The following EMILIN1 variants were observed in gnomAD, a reference collection of about 807,000 sequenced individuals.
The protein encoded by EMILIN1 is elastin microfibril interfacer 1, also known as EMILIN-1.
EMILIN1 carries 49 observed loss-of-function variants against 82.4 expected under a neutral mutation model. The ratio of observed to expected loss-of-function variants is 0.59; its 90% CI spans 0.47 to 0.75. The LOEUF is 0.75. EMILIN1 is among the 30% of genes least tolerant of loss of function. EMILIN1 has a pLI of 0.00. For missense variants in EMILIN1, 1,313 were observed against 1,366.4 expected (o/e 0.96, Z 0.62); for synonymous variants, 604 against 602.2 (o/e 1.00, Z -0.04).
In EMILIN1 at chr2:27,083,016, G is replaced by C. The variant is rs1669511551; in HGVS notation, c.1445G>C (p.Cys482Ser). Residue 482 changes from cysteine to serine, a missense_variant, in exon 4 of 8, where the codon TGC becomes TCC. Cys to Ser is a moderately radical substitution (Grantham distance 112). Coordinates refer to ENST00000380320, the MANE Select transcript of EMILIN1 (RefSeq NM_007046.4). ...AGAMQACGQL[C>S]SGAPGEQDSQ... The stretch of plus-strand genomic sequence containing the variant: ...GCCATGCAGGCATGCGGGCAGCTCT[G>C]CTCTGGGGCCCCTGGGGAGCAGGAC... 6.4e-7 allele frequency: 1 copy of C among 1,556,038 alleles called. No individual in the cohort carries two copies. Among genetic ancestry groups the C allele is most frequent in the African/African-American group, 1.4e-5 (1 of 73,672 alleles).
Position 27,083,699 on chromosome 2 carries a change from C to T in EMILIN1, c.2128C>T (p.Leu710=). The change falls in exon 4 of 8, where the codon CTA becomes TTA. Residue 710 remains leucine (L), a synonymous_variant. Coordinates refer to ENST00000380320, the MANE Select transcript of EMILIN1 (RefSeq NM_007046.4). ...ATESEERFRG[L]EEGQAQAGQC... ...AGAGAGTGAAGAGCGCTTCCGAGGC[C>T]TAGAGGAGGGACAAGCACAGGCCGG... The T allele has an allele frequency of 6.2e-7, 1 of 1,613,994 alleles. No individual in the cohort carries two copies. Among genetic ancestry groups the T allele is most frequent in the African/African-American group, 1.3e-5 (1 of 75,056 alleles).
At chr2:27,084,946 T>G in intron 5 of EMILIN1, 45 bp from the exon 6 acceptor site, 4 of 1,598,636 alleles carry the variant, frequency 2.5e-6, no homozygotes, top group Non-Finnish European at 3.4e-6. Flanking sequence ...AGTGACTTAG[T>G]GAGAGCTGCT....
Position 27,086,132 on chromosome 2 carries a change from G to A in EMILIN1, c.*117G>A. The A allele has an allele frequency of 2.6e-6, 2 of 771,414 alleles. No homozygotes were observed. Among genetic ancestry groups the A allele is most frequent in the Non-Finnish European group, 3.6e-6 (2 of 555,584 alleles). 47.8% of individuals were successfully genotyped at this position (771,414 alleles called of 1,614,324 possible). ...CTGGGCGAGCGCCGCACCCGGGCCC[G>A]CAGCGGCACCGCGCCCAGAGCGGCC... On this transcript the variant is annotated 3_prime_UTR_variant, in exon 8 of 8. Coordinates refer to ENST00000380320, the MANE Select transcript of EMILIN1 (RefSeq NM_007046.4).
intron 5 of EMILIN1, 36 bp from the exon 6 acceptor site, chr2:27,084,955 C>T (rs371811747): frequency 1.2e-5 from 19 of 1,607,498 alleles, no homozygotes; most frequent in Non-Finnish European, 1.5e-5. Flanking sequence ...GTGAGAGCTG[C>T]TTTATTTCTC....
chr2:27,082,053 C>T, intron 3 of EMILIN1, 30 bp from the exon 4 acceptor site: 4 of 1,561,738 alleles, frequency 2.6e-6, no homozygotes, highest in Non-Finnish European at 3.5e-6. Context: ...GGGTCCAGCC[C>T]CTCTGCCTTC....
chr2:27,080,106 G>A, intron 1 of EMILIN1, 45 bp from the exon 2 acceptor site: 1 of 1,609,634 alleles, frequency 6.2e-7, no homozygotes, highest in African/African-American at 1.3e-5. Context: ...CTCCTCCAGG[G>A]CATGTATCTT....
In EMILIN1 at chr2:27,083,281, G is replaced by A. The variant is rs749597209; in HGVS notation, c.1710G>A (p.Leu570=). 1 of 1,613,058 alleles carries A rather than the reference G, an allele frequency of 6.2e-7. No homozygotes were observed. Among genetic ancestry groups the A allele is most frequent in the East Asian group, 2.2e-5 (1 of 44,850 alleles). Residue 570 remains leucine, a synonymous_variant, in exon 4 of 8, where the codon CTG becomes CTA. Coordinates refer to ENST00000380320, the MANE Select transcript of EMILIN1 (RefSeq NM_007046.4). The part of the protein sequence containing the change: ...LNLTAARLGQ[L]EGLLQAHGDE... Reference sequence around the variant, plus strand: ...TCACTGCGGCCCGGCTAGGCCAACTGGAGGGGCTGCTGCAGGCCCATGGGG... The same window carrying A: ...TCACTGCGGCCCGGCTAGGCCAACTAGAGGGGCTGCTGCAGGCCCATGGGG...
At chr2:27,081,696 C>G (rs910901957) in intron 3 of EMILIN1, among the ~76,000 whole-genome samples, 1 of 152,150 alleles carries the variant, frequency 6.6e-6, no homozygotes, top group Non-Finnish European at 1.5e-5. Flanking sequence ...AAAGAGTTTC[C>G]AAGAAGTTAA....
chr2:27,080,460 C>T (rs1026403475), intron 2 of EMILIN1, among the ~76,000 whole-genome samples, 190 bp downstream of exon 2: 1 of 152,152 alleles, frequency 6.6e-6, no homozygotes, highest in Non-Finnish European at 1.5e-5. Context: ...CTGCCTCACG[C>T]GCCAGCCCCA....
In EMILIN1 at chr2:27,084,431, TG is replaced by T; in HGVS notation, c.2460del (p.Pro822GlnfsTer56). 1 of 1,609,200 alleles carries T rather than the reference TG, an allele frequency of 6.2e-7. No individual in the cohort carries two copies. The highest frequency in any genetic ancestry group is 8.5e-7 in the Non-Finnish European group (1 of 1,177,170). On this transcript the variant is annotated frameshift_variant, in exon 5 of 8. Coordinates refer to ENST00000380320, the MANE Select transcript of EMILIN1 (RefSeq NM_007046.4). LOFTEE classifies it high-confidence loss of function. ...KDLTGPAGEAGPPGPPGLQGP... is the reference protein window; with the variant it reads ...KDLTGPAGEAXPPGPPGLQGP... ...TCACTGTAGGGCCTGCAGGAGAGGC[TG>T]GGCCCCCAGGGCCTCCTGGGCTGCA...
rs778346430 is a variant in EMILIN1, at chr2:27,080,878, C to T, written c.437C>T (p.Pro146Leu). 1 of 1,609,834 alleles carries T rather than the reference C, an allele frequency of 6.2e-7. No homozygotes were observed. Among genetic ancestry groups the T allele is most frequent in the South Asian group, 1.1e-5 (1 of 90,510 alleles). The change falls in exon 3 of 8, where the codon CCC (proline) becomes CTC (leucine). Residue 146 changes from proline (P) to leucine (L), a missense_variant. Transcript: ENST00000380320. ...ALGPASSTPR[P>L]LARPARPNLS... Reference sequence around the variant, plus strand: ...GGGCCTGCGTCTTCCACACCACGGCCCCTGGCCCGGCCTGCCCGCCCCAAC... The same window carrying T: ...GGGCCTGCGTCTTCCACACCACGGCTCCTGGCCCGGCCTGCCCGCCCCAAC...
chr2:27,086,187 G>A lies in EMILIN1; in HGVS notation c.*172G>A. ...CCCACGCCCGGGGCGCGCCGGCTCAGGGAGGCTCGGGGCCGCCCATGCAGA... is the reference window on the plus strand; with the variant it reads ...CCCACGCCCGGGGCGCGCCGGCTCAAGGAGGCTCGGGGCCGCCCATGCAGA... On this transcript the variant is annotated 3_prime_UTR_variant, in exon 8 of 8. Coordinates refer to ENST00000380320, the MANE Select transcript of EMILIN1 (RefSeq NM_007046.4). The A allele has an allele frequency of 4.8e-6, 2 of 419,036 alleles. No individual in the cohort carries two copies. Among genetic ancestry groups the A allele is most frequent in the Non-Finnish European group, 8.1e-6 (2 of 246,768 alleles). 26.0% of individuals were successfully genotyped at this position (419,036 alleles called of 1,614,324 possible).
At chr2:27,085,402 G>A in intron 7 of EMILIN1, 105 bp downstream of exon 7, 1 of 1,391,668 alleles carries the variant, frequency 7.2e-7, no homozygotes, top group South Asian at 1.2e-5. Context: ...TTCATTCTCT[G>A]ATTTGGGGAG....
At chr2:27,085,551 C>T in intron 7 of EMILIN1, 127 bp from the exon 8 acceptor site, 1 of 987,936 alleles carries the variant, frequency 1.0e-6, no homozygotes, top group Non-Finnish European at 1.5e-6. Flanking sequence ...GTGAACAAAG[C>T]CCCCAGTTCC....
At chr2:27,085,437 C>G (rs1045120315) in intron 7 of EMILIN1, 140 bp downstream of exon 7, 1 of 1,103,830 alleles carries the variant, frequency 9.1e-7, no homozygotes, top group Admixed American at 2.3e-5. Flanking sequence ...TTCATTTATT[C>G]ATTCTCAGGC....
At position 27,082,852 on chromosome 2, in the gene EMILIN1, C is replaced by A. The variant is rs1268402794; in HGVS notation, c.1281C>A (p.Ser427Arg). The A allele has an allele frequency of 1.3e-6, 2 of 1,582,838 alleles. No homozygotes were observed. Among genetic ancestry groups the A allele is most frequent in the Admixed American group, 1.8e-5 (1 of 56,504 alleles). The change falls in exon 4 of 8, where the codon AGC becomes AGA. Residue 427 changes from serine (S) to arginine (R), a missense_variant. Coordinates refer to ENST00000380320, the MANE Select transcript of EMILIN1 (RefSeq NM_007046.4). ...GCCCTTCGGAGGAGCAGGAGGAGAG[C>A]TGGCCTGGGGCTCCTGGGGGGCTGA... ...TLGPSEEQEE[S>R]WPGAPGGLSH...
Position 27,083,109 on chromosome 2 carries a change from T to G in EMILIN1, c.1538T>G (p.Leu513Arg), listed in dbSNP as rs1024384968. ...CTGGACAGTGAGGGGCAGCTGCGGCTGGTGGGCTCCGGCCTGCACACGGTG... is the reference window on the plus strand; with the variant it reads ...CTGGACAGTGAGGGGCAGCTGCGGCGGGTGGGCTCCGGCCTGCACACGGTG... ...RVLDSEGQLRLVGSGLHTVEA... is the reference protein window; with the variant it reads ...RVLDSEGQLRRVGSGLHTVEA... Residue 513 changes from leucine to arginine, a missense_variant, in exon 4 of 8, where the codon CTG (leucine) becomes CGG (arginine). Physicochemically the swap from Leu to Arg is moderately radical, Grantham distance 102. Transcript: ENST00000380320. 2.6e-6 allele frequency: 4 copies of G among 1,565,178 alleles called. No individual in the cohort carries two copies. The Admixed American group carries it at 7.3e-5, about 29-fold the overall frequency.
Position 27,086,335 on chromosome 2 carries a change from C to T in EMILIN1, c.*320C>T. 6.6e-6 allele frequency: 2 copies of T among 305,254 alleles called. No individual in the cohort carries two copies. Among genetic ancestry groups the T allele is most frequent in the Non-Finnish European group, 1.2e-5 (2 of 166,474 alleles). The allele number at this position is 305,254 out of a possible 1,614,324, so 18.9% of individuals were successfully genotyped here. A position where few individuals can be genotyped will look rare whatever the true frequency, so the allele number is the denominator to read the frequency against. ...CGATTCCCTGGGCTCCAGGCTCCCC[C>T]GCGCGGGCGCCGCCCACCGCCATAC... On this transcript the variant is annotated 3_prime_UTR_variant, in exon 8 of 8. Transcript: ENST00000380320.
chr2:27,079,419 A>G (rs1669437826), intron 1 of EMILIN1, among the ~76,000 whole-genome samples, 184 bp downstream of exon 1: 1 of 152,074 alleles, frequency 6.6e-6, no homozygotes. Context: ...CTGAACACAT[A>G]TGTTCCTTGG....
Sources: gnomAD v4.1 joint callset for allele counts (sites outside exome capture counted in the v4.1 genomes callset) on GRCh38, gnomAD v4.1.1 for gene constraint, MANE v1.5 for transcripts, NCBI Gene and HGNC (gene_info 2026-07-23, HGNC 2026-07-21) for gene names.